CATSPERG: variants seen among roughly 807,000 people sequenced by gnomAD.
CATSPERG encodes cation channel sperm-associated auxiliary subunit gamma.
Under a neutral mutation model 145.0 loss-of-function variants are expected in CATSPERG, and 115 were observed. That is an observed-to-expected ratio of 0.79 (90% CI 0.68 to 0.93). The LOEUF is 0.93. CATSPERG is among the 40% of genes least tolerant of loss of function. CATSPERG has a pLI of 0.00. For synonymous variants in CATSPERG, 588 were observed against 589.0 expected, an observed-to-expected ratio of 1.00 and a Z score of 0.02; for missense variants, 1,296 against 1,490.1, an observed-to-expected ratio of 0.87 and a Z score of 2.14.
chr19:38,337,788 G>C (rs911241454), intron 3 of CATSPERG, 142 bp downstream of exon 3: 2 of 710,598 alleles, frequency 2.8e-6, no homozygotes, highest in African/African-American at 1.8e-5. Flanking sequence ...GCGCGATCTC[G>C]GCTCACTGCA....
intron 7 of CATSPERG, 133 bp from the exon 8 acceptor site, chr19:38,352,128 C>T: frequency 1.2e-6 from 1 of 844,816 alleles, no homozygotes; most frequent in Non-Finnish European, 1.8e-6. Context: ...GCGGGGTGAG[C>T]AGGGAGAGCG....
At chr19:38,337,006 C>A in intron 1 of CATSPERG, 1 of 614,714 alleles carries the variant, frequency 1.6e-6, no homozygotes, top group South Asian at 2.0e-5. Flanking sequence ...GAGCCAGGAA[C>A]AAGAGCAGAG....
At chr19:38,341,126 G>C in intron 3 of CATSPERG, among the ~76,000 whole-genome samples, 1 of 152,132 alleles carries the variant, frequency 6.6e-6, no homozygotes, top group Non-Finnish European at 1.5e-5. Flanking sequence ...AGTGTGGGAG[G>C]AGAGGTCAGG....
intron 7 of CATSPERG, 78 bp downstream of exon 7, chr19:38,346,683 C>T: frequency 7.3e-7 from 1 of 1,366,654 alleles, no homozygotes; most frequent in South Asian, 1.4e-5. Context: ...AGGTAGGGGC[C>T]TGGGGCTCTA....
intron 3 of CATSPERG, among the ~76,000 whole-genome samples, chr19:38,340,211 G>A (rs1969913915): frequency 6.6e-6 from 1 of 151,726 alleles, no homozygotes; most frequent in African/African-American, 2.4e-5. Context: ...AAAATCAATT[G>A]AATATAAATA....
At chr19:38,353,694 CT>C (rs1970190268) in intron 8 of CATSPERG, among the ~76,000 whole-genome samples, 1 of 100,738 alleles carries the variant, frequency 9.9e-6, no homozygotes, top group South Asian at 4.0e-4. Context: ...GAGATGCCAT[CT>C]CAAAAAAAAA....
intron 8 of CATSPERG, 129 bp from the exon 9 acceptor site, chr19:38,354,581 C>A: frequency 9.2e-7 from 1 of 1,085,324 alleles, no homozygotes; most frequent in Non-Finnish European, 1.3e-6. Context: ...CTCCCTGACA[C>A]CACACTGAAC....
rs758315764 is a variant in CATSPERG, at chr19:38,362,471, G to T, written c.2253G>T (p.Ala751=). 6.2e-7 allele frequency: 1 copy of T among 1,613,960 alleles called. No homozygotes were observed. The highest frequency in any genetic ancestry group is 1.1e-5 in the South Asian group (1 of 91,090). The change falls in exon 19 of 29, where the codon GCG becomes GCT. Residue 751 remains alanine, a synonymous_variant. Coordinates refer to ENST00000409235, the MANE Select transcript of CATSPERG (RefSeq NM_021185.5). ...SYEKIYNLES[A]YELPERIFLD... ...AAAAGATCTACAACCTCGAGTCCGC[G>T]TACGAGCTGCCGGAGCGCATTTTCC...
At chr19:38,336,955 GA>G in intron 1 of CATSPERG, 2 of 543,946 alleles carry the variant, frequency 3.7e-6, no homozygotes, top group Non-Finnish European at 6.6e-6. Flanking sequence ...GCAGGGCCAG[GA>G]GCAAGAGCAG....
Position 38,367,209 on chromosome 19 carries a change from C to T in CATSPERG, c.2667C>T (p.Ala889=). The T allele has an allele frequency of 6.2e-7, 1 of 1,613,964 alleles. No homozygotes were observed. Among genetic ancestry groups the T allele is most frequent in the Non-Finnish European group, 8.5e-7 (1 of 1,179,984 alleles). The change falls in exon 23 of 29, where the codon GCC becomes GCT. Residue 889 remains alanine, a synonymous_variant. Coordinates refer to ENST00000409235, the MANE Select transcript of CATSPERG (RefSeq NM_021185.5). ...FIGCPPGKRL[A]FDITYTLEYS... ...GCTGCCCCCCAGGCAAGCGCCTGGC[C>T]TTCGACATCACCTACACGCTGGAAT...
intron 3 of CATSPERG, among the ~76,000 whole-genome samples, chr19:38,342,249 T>TAAATAAATAAATAAATA: frequency 1.6e-5 from 2 of 127,344 alleles, no homozygotes; most frequent in Non-Finnish European, 3.4e-5. Context: ...ATAAATAAAT[T>TAAATAAATAAATAAATA]ACAGAAATAG....
At chr19:38,336,278 G>A (rs1003345361) in intron 1 of CATSPERG, 9 of 450,720 alleles carry the variant, frequency 2.0e-5, no homozygotes, top group African/African-American at 1.6e-4. Context: ...AACGAAGGGC[G>A]AGGAAAGATC....
In CATSPERG at chr19:38,344,892, T is replaced by C. The variant is rs1379741400; in HGVS notation, c.669+524T>C. ...ACACACACACACACACATATATATATATATATATATTTTTTTTTTTTTTTT... is the reference window on the plus strand; with the variant it reads ...ACACACACACACACACATATATATACATATATATATTTTTTTTTTTTTTTT... On this transcript the variant is annotated intron_variant, in intron 6 of 28. Coordinates refer to ENST00000409235, the MANE Select transcript of CATSPERG (RefSeq NM_021185.5). Among the ~76,000 whole-genome samples the C allele has an allele frequency of 1.4e-3, 145 of 107,260 alleles. 1 individual carries two copies. Among genetic ancestry groups the C allele is most frequent in the South Asian group, 2.9e-3 (9 of 3,070 alleles). 70.4% of individuals were successfully genotyped at this position (107,260 alleles called of 152,430 possible). A position where few individuals can be genotyped will look rare whatever the true frequency, so the allele number is the denominator to read the frequency against.
Position 38,370,238 on chromosome 19 carries a change from C to G in CATSPERG, c.3193C>G (p.Arg1065Gly). 6.2e-7 allele frequency: 1 copy of G among 1,613,452 alleles called. No individual in the cohort carries two copies. The highest frequency in any genetic ancestry group is 1.3e-5 in the African/African-American group (1 of 75,054). Residue 1065 changes from arginine to glycine, a missense_variant, in exon 28 of 29, where the codon CGG becomes GGG. Transcript: ENST00000409235. Reference protein sequence around the residue: ...HIHGLPLSPKRALFIIMVSAS... With the variant: ...HIHGLPLSPKGALFIIMVSAS... ...CCACGGGCTGCCACTCAGTCCCAAG[C>G]GGGCCCTTTTCATCATCATGGTGAG... is the stretch of plus-strand genomic sequence containing the variant.
chr19:38,364,844 G>A, intron 20 of CATSPERG, 47 bp from the exon 21 acceptor site: 1 of 1,446,014 alleles, frequency 6.9e-7, no homozygotes, highest in East Asian at 2.3e-5. Context: ...ACTTTGGGGA[G>A]ACCTGTTCAC....
Position 38,368,087 on chromosome 19 carries a change from C to A in CATSPERG, c.2970C>A (p.Thr990=). The A allele has an allele frequency of 6.2e-7, 1 of 1,614,192 alleles. No individual in the cohort carries two copies. The highest frequency in any genetic ancestry group is 8.5e-7 in the Non-Finnish European group (1 of 1,180,048). Reference sequence around the variant, plus strand: ...TCTGGACCACGAGGACCACAAGGACCACCAAAGACTCAGCCTTTCACATCA... The same window carrying A: ...TCTGGACCACGAGGACCACAAGGACAACCAAAGACTCAGCCTTTCACATCA... ...SLIWTTRTTR[T]TKDSAFHIMS... The change falls in exon 26 of 29, where the codon ACC becomes ACA. Residue 990 remains threonine (T), a synonymous_variant. Coordinates refer to ENST00000409235, the MANE Select transcript of CATSPERG (RefSeq NM_021185.5).
Position 38,358,453 on chromosome 19 carries a change from T to C in CATSPERG, c.1388T>C (p.Met463Thr). The change falls in exon 13 of 29, where the codon ATG (methionine) becomes ACG (threonine). Residue 463 changes from methionine (M) to threonine (T), a missense_variant. Physicochemically the swap from Met to Thr is moderately conservative, Grantham distance 81. Transcript: ENST00000409235. ...IPEARGLEFL[M>T]ILGTESYTST... ...TCAGCTCGAGGATTGGAGTTCCTGA[T>C]GATCCTAGGGACAGAGTCCTACACC... 1 of 1,614,166 alleles carries C rather than the reference T, an allele frequency of 6.2e-7. No individual in the cohort carries two copies. The highest frequency in any genetic ancestry group is 8.5e-7 in the Non-Finnish European group (1 of 1,179,992).
intron 7 of CATSPERG, among the ~76,000 whole-genome samples, chr19:38,347,940 CAAA>C (rs887808428): frequency 8.8e-5 from 9 of 102,498 alleles, no homozygotes; most frequent in Non-Finnish European, 8.2e-5. Flanking sequence ...GACTCTGTCT[CAAA>C]AAAAAAAAAA....
intron 10 of CATSPERG, 26 bp downstream of exon 10, chr19:38,356,569 G>A (rs755348839): frequency 8.7e-6 from 14 of 1,610,788 alleles, no homozygotes; most frequent in Middle Eastern, 1.7e-4. Context: ...ATGGGTCTGC[G>A]GTGGGAGGCT....
Sources: gnomAD v4.1 joint callset for allele counts (sites outside exome capture counted in the v4.1 genomes callset) on GRCh38, gnomAD v4.1.1 for gene constraint, MANE v1.5 for transcripts, NCBI Gene and HGNC (gene_info 2026-07-23, HGNC 2026-07-21) for gene names.